Variants in PTPRN2 observed in about 807,000 individuals in gnomAD.
PTPRN2 encodes protein tyrosine phosphatase receptor type N2.
PTPRN2 carries 74 observed loss-of-function variants against 118.8 expected under a neutral mutation model. The observed-to-expected ratio is 0.62, with a 90% confidence interval of 0.52 to 0.76. The LOEUF (loss-of-function observed/expected upper bound fraction) is 0.76, where lower values mean the gene tolerates loss of function less well. Among genes scored for constraint, PTPRN2 ranks in the 30% least tolerant of loss-of-function variants. PTPRN2 has a pLI of 0.00. For synonymous variants in PTPRN2, 641 were observed against 608.0 expected, an observed-to-expected ratio of 1.05 and a Z score of -0.80; for missense variants, 1,481 against 1,394.4, an observed-to-expected ratio of 1.06 and a Z score of -0.99.
At chr7:158,395,201 A>T (rs1284385983) in intron 2 of PTPRN2, among the ~76,000 whole-genome samples, 1 of 150,604 alleles carries the variant, frequency 6.6e-6, no homozygotes, top group African/African-American at 2.4e-5. Context: ...GTACCCGAGC[A>T]CGGCCGCTAG....
intron 12 of PTPRN2, among the ~76,000 whole-genome samples, chr7:157,757,874 C>G (rs1380516236): frequency 1.3e-5 from 2 of 152,340 alleles, no homozygotes; most frequent in East Asian, 3.9e-4. Context: ...AACCAGGCTC[C>G]GCCCCTGACG....
chr7:158,395,722 C>G (rs1426583623), intron 2 of PTPRN2, among the ~76,000 whole-genome samples: 64 of 10,948 alleles, frequency 5.8e-3, no homozygotes, highest in Non-Finnish European at 7.9e-3. Flanking sequence ...AGGGGCGAGG[C>G]GCGAGGGGAG....
chr7:157,882,096 A>T (rs1003139743), intron 12 of PTPRN2, among the ~76,000 whole-genome samples: 16 of 152,022 alleles, frequency 1.1e-4, no homozygotes, highest in African/African-American at 3.9e-4. Context: ...CACCCCAAAA[A>T]TGACTGTCAT....
chr7:158,118,776 A>G (rs1585497822), intron 9 of PTPRN2, among the ~76,000 whole-genome samples: 1 of 152,144 alleles, frequency 6.6e-6, no homozygotes, highest in East Asian at 1.9e-4. Flanking sequence ...ATCGTTGCTC[A>G]CTGCAGCCTC....
intron 12 of PTPRN2, among the ~76,000 whole-genome samples, chr7:157,738,229 GTGC>G (rs2150957498): frequency 6.6e-6 from 1 of 152,326 alleles, no homozygotes; most frequent in East Asian, 1.9e-4. Flanking sequence ...ACGTATCTGT[GTGC>G]TCTGGGAAGG....
rs537646342 is a variant in PTPRN2 at position 157,561,240 on chromosome 7, C to T, written c.2902+7662G>A. On this transcript the variant is annotated intron_variant, in intron 21 of 22. Coordinates refer to ENST00000389418, the MANE Select transcript of PTPRN2 (RefSeq NM_002847.5). The stretch of plus-strand genomic sequence containing the variant: ...GCCCCCGGGTCCTGTACTGCCCGGC[C>T]GGTCTCCCCGCCCTCTGGTTCTGCA... Among the ~76,000 whole-genome samples the T allele has an allele frequency of 4.8e-4, 73 of 152,244 alleles. 3 individuals carry two copies. In the South Asian group the frequency reaches 0.014, roughly 30 times the overall value.
chr7:158,488,349 T>C (rs1011020257), intron 2 of PTPRN2, among the ~76,000 whole-genome samples: 4 of 151,910 alleles, frequency 2.6e-5, no homozygotes, highest in Non-Finnish European at 4.4e-5. Flanking sequence ...CTTGTCACAC[T>C]CGGCACAGGA....
rs140968970 is a variant in PTPRN2 at position 157,799,096 on chromosome 7, C to T, written c.1788+99577G>A. ...AGCCCTTCAGACATGACAACCCCAT[C>T]GGGTCAGAGAGGTAGTGGTTGCAGC... On this transcript the variant is annotated intron_variant, in intron 12 of 22. Coordinates refer to ENST00000389418, the MANE Select transcript of PTPRN2 (RefSeq NM_002847.5). Among the ~76,000 whole-genome samples, 432 of 152,292 alleles carry T rather than the reference C, an allele frequency of 2.8e-3. 6 individuals carry two copies. Among genetic ancestry groups the T allele is most frequent in the African/African-American group, 9.7e-3 (405 of 41,562 alleles).
At chr7:158,129,737 G>A (rs558892475) in intron 9 of PTPRN2, among the ~76,000 whole-genome samples, 4 of 152,320 alleles carry the variant, frequency 2.6e-5, no homozygotes, top group African/African-American at 7.2e-5. Flanking sequence ...TGAGGCAGGC[G>A]CCTCCCCTTG....
At chr7:158,515,084 G>A (rs1051597746) in intron 1 of PTPRN2, among the ~76,000 whole-genome samples, 2 of 152,222 alleles carry the variant, frequency 1.3e-5, no homozygotes. Flanking sequence ...GCAGAACAAG[G>A]TTGCACTATG....
chr7:158,334,535 T>A (rs1427757975), intron 2 of PTPRN2, among the ~76,000 whole-genome samples: 1 of 111,518 alleles, frequency 9.0e-6, no homozygotes, highest in Non-Finnish European at 2.0e-5. Flanking sequence ...CCTGCAGACG[T>A]CACTCACACC....
At chr7:158,364,052 G>A (rs545398815) in intron 2 of PTPRN2, among the ~76,000 whole-genome samples, 1 of 152,332 alleles carries the variant, frequency 6.6e-6, no homozygotes, top group East Asian at 1.9e-4. Flanking sequence ...GGCAGTCAGT[G>A]ACCTTCTAGC....
At chr7:157,826,621 A>C (rs929827214) in intron 12 of PTPRN2, among the ~76,000 whole-genome samples, 5 of 152,190 alleles carry the variant, frequency 3.3e-5, no homozygotes, top group Non-Finnish European at 5.9e-5. Flanking sequence ...TGCTGTGCTA[A>C]GCTGTATTTC....
chr7:158,412,296 A>C (rs1232901355), intron 2 of PTPRN2, among the ~76,000 whole-genome samples: 2 of 53,106 alleles, frequency 3.8e-5, no homozygotes, highest in Non-Finnish European at 7.2e-5. Flanking sequence ...CCTCCTCAAC[A>C]CCAGGGCCCA....
In PTPRN2 at chr7:157,940,110, T is replaced by A. The variant is rs903354977; in HGVS notation, c.1724-41373A>T. Among the ~76,000 whole-genome samples, 11 of 152,082 alleles carry A rather than the reference T, an allele frequency of 7.2e-5. 1 individual carries two copies. The highest frequency in any genetic ancestry group is 6.2e-4 in the South Asian group (3 of 4,830). ...CATGAGCCCCTGTCAAGAGTTCCAG[T>A]CCAGGTCCTGAGGGACATGTTCTCT... On this transcript the variant is annotated intron_variant, in intron 11 of 22. Coordinates refer to ENST00000389418, the MANE Select transcript of PTPRN2 (RefSeq NM_002847.5).
intron 12 of PTPRN2, among the ~76,000 whole-genome samples, chr7:157,883,361 C>T (rs1796265592): frequency 6.6e-6 from 1 of 151,242 alleles, no homozygotes; most frequent in Non-Finnish European, 1.5e-5. Context: ...CAGAACACAA[C>T]ACCCCAAAAA....
chr7:157,967,289 G>A (rs577751036), intron 11 of PTPRN2, among the ~76,000 whole-genome samples: 70 of 152,294 alleles, frequency 4.6e-4, no homozygotes, highest in African/African-American at 1.5e-3. Flanking sequence ...CAGCCTGGGC[G>A]ACAGAGTGAG....
At chr7:157,948,322 G>T (rs1800606021) in intron 11 of PTPRN2, among the ~76,000 whole-genome samples, 1 of 152,322 alleles carries the variant, frequency 6.6e-6, no homozygotes, top group South Asian at 2.1e-4. Flanking sequence ...TGGGAAGGAA[G>T]CTATTCAGAA....
intron 11 of PTPRN2, among the ~76,000 whole-genome samples, chr7:157,941,835 T>C (rs1053555238): frequency 2.0e-5 from 3 of 151,944 alleles, no homozygotes; most frequent in Non-Finnish European, 4.4e-5. Flanking sequence ...CACCACCTAA[T>C]CTCCATGCTC....
Sources: allele counts gnomAD v4.1 joint callset (sites outside exome capture counted in the v4.1 genomes callset), GRCh38; gene constraint gnomAD v4.1.1; transcripts MANE v1.5; gene names NCBI Gene and HGNC (gene_info 2026-07-23, HGNC 2026-07-21).